The following VPS13B variants were observed in gnomAD, a reference collection of about 807,000 sequenced individuals.
VPS13B encodes intermembrane lipid transfer protein VPS13B.
In VPS13B, 285 loss-of-function variants were observed where a neutral mutation model predicts 426.4. The ratio of observed to expected loss-of-function variants is 0.67; its 90% CI spans 0.61 to 0.74. The LOEUF (loss-of-function observed/expected upper bound fraction) is 0.74. VPS13B is among the 30% of genes least tolerant of loss of function. The probability of loss-of-function intolerance (pLI) is 0.00; values close to 1 mark genes in which losing one functional copy is unlikely to be tolerated. For synonymous variants in VPS13B, 1,676 were observed against 1,676.4 expected (o/e 1.00, Z 0.01); for missense variants, 4,537 against 4,782.6 (o/e 0.95, Z 1.51).
chr8:99,208,128 G>C (rs1057125966), intron 17 of VPS13B, among the ~76,000 whole-genome samples: 1 of 152,192 alleles, frequency 6.6e-6, no homozygotes. Context: ...GCAGTAGCTG[G>C]CGTGTCACAT....
intron 2 of VPS13B, among the ~76,000 whole-genome samples, chr8:99,032,180 T>A (rs1479986302): frequency 6.6e-6 from 1 of 152,172 alleles, no homozygotes; most frequent in Admixed American, 6.5e-5. Context: ...TATGCTGACA[T>A]GTGGAGTTTC....
Position 99,853,937 on chromosome 8 carries a change from C to A in VPS13B, c.10548C>A (p.Ile3516=), listed in dbSNP as rs780558517. The change falls in exon 56 of 62, where the codon ATC becomes ATA. Residue 3516 remains isoleucine (I), a synonymous_variant. Transcript: ENST00000357162. ...LYVEDTFVYY[I]KTLFDTYLPN... is the part of the protein sequence containing the mutation. ...TGGAAGACACATTTGTATACTACAT[C>A]AAGACTTTGTTTGACACCTACCTTC... is the stretch of plus-strand genomic sequence containing the variant. 4 of 1,614,094 alleles carry A rather than the reference C, an allele frequency of 2.5e-6. No homozygotes were observed. In the East Asian group the frequency reaches 8.9e-5, roughly 36 times the overall value.
At chr8:99,813,939 G>C (rs560550867) in intron 44 of VPS13B, among the ~76,000 whole-genome samples, 2 of 152,150 alleles carry the variant, frequency 1.3e-5, no homozygotes, top group Non-Finnish European at 2.9e-5. Flanking sequence ...TTTGAGACCA[G>C]CGTGGTCAAC....
chr8:99,618,118 G>A (rs1389311058), intron 33 of VPS13B, among the ~76,000 whole-genome samples: 1 of 152,042 alleles, frequency 6.6e-6, no homozygotes, highest in Non-Finnish European at 1.5e-5. Context: ...GGAAGGGTGA[G>A]AGAAAAAGGG....
chr8:99,701,690 G>A (rs1832289014), intron 36 of VPS13B, among the ~76,000 whole-genome samples: 1 of 152,110 alleles, frequency 6.6e-6, no homozygotes, highest in South Asian at 2.1e-4. Context: ...AACATGTAGT[G>A]TCCAGCAAAT....
At chr8:99,597,263 T>C (rs1388802483) in intron 33 of VPS13B, among the ~76,000 whole-genome samples, 1 of 151,984 alleles carries the variant, frequency 6.6e-6, no homozygotes, top group African/African-American at 2.4e-5. Context: ...GGTGATCTGA[T>C]CACAGGGCCC....
intron 30 of VPS13B, among the ~76,000 whole-genome samples, chr8:99,523,243 C>T (rs1822469225): frequency 1.3e-5 from 2 of 152,222 alleles, no homozygotes; most frequent in South Asian, 4.1e-4. Context: ...ACTCCAGGCC[C>T]TGGCTCCTGG....
intron 17 of VPS13B, among the ~76,000 whole-genome samples, chr8:99,235,825 G>A (rs1365631810): frequency 6.6e-6 from 1 of 152,090 alleles, no homozygotes; most frequent in Non-Finnish European, 1.5e-5. Context: ...ACTACTTACT[G>A]TGAATTAGAG....
In VPS13B at chr8:99,198,985, C is replaced by T. The variant is rs549079658; in HGVS notation, c.2515+5928C>T. The stretch of plus-strand genomic sequence containing the variant: ...AAAGTTTTAGCATTTTATTATTTTG[C>T]GTCTGAGGACTCTCATTACATAGTA... On this transcript the variant is annotated intron_variant, in intron 17 of 61. Transcript: ENST00000357162. Among the ~76,000 whole-genome samples, 8 of 152,128 alleles carry T rather than the reference C, an allele frequency of 5.3e-5. No homozygotes were observed. The South Asian group carries it at 1.0e-3, about 20-fold the overall frequency.
rs894776637 is a variant in VPS13B, at chr8:99,849,040, G to A, written c.10061+146G>A. On this transcript the variant is annotated intron_variant, in intron 55 of 61. Transcript: ENST00000357162. ...TAATCCATAAAAAATATGGTTATTA[G>A]CACTAAATCATCCCTTCAATAGGTA... The A allele has an allele frequency of 3.8e-6, 3 of 793,220 alleles. No individual in the cohort carries two copies. The East Asian group carries it at 7.9e-5, about 21-fold the overall frequency. 49.1% of individuals were successfully genotyped at this position (793,220 alleles called of 1,614,324 possible). A position where few individuals can be genotyped will look rare whatever the true frequency, so the allele number is the denominator to read the frequency against.
At chr8:99,676,944 A>G in intron 35 of VPS13B, among the ~76,000 whole-genome samples, 1 of 152,140 alleles carries the variant, frequency 6.6e-6, no homozygotes, top group East Asian at 1.9e-4. Flanking sequence ...AGCCTGGCCA[A>G]CATGGCAAAA....
intron 19 of VPS13B, among the ~76,000 whole-genome samples, chr8:99,345,868 T>C (rs1811507671): frequency 6.6e-6 from 1 of 152,130 alleles, no homozygotes; most frequent in Admixed American, 6.5e-5. Flanking sequence ...GAGTTATTCT[T>C]CAGGTCAAGG....
chr8:99,482,655 AAC>A (rs1377470786), intron 25 of VPS13B, among the ~76,000 whole-genome samples: 6 of 152,218 alleles, frequency 3.9e-5, no homozygotes, highest in African/African-American at 1.4e-4. Context: ...TTTCAAACAC[AAC>A]ACAGTTCAAT....
intron 3 of VPS13B, among the ~76,000 whole-genome samples, chr8:99,090,116 G>C (rs1846058552): frequency 6.6e-6 from 1 of 152,004 alleles, no homozygotes; most frequent in Non-Finnish European, 1.5e-5. Flanking sequence ...CTTGAGCGGA[G>C]GGGTCCATTC....
chr8:99,312,398 T>C (rs1219424343), intron 19 of VPS13B, among the ~76,000 whole-genome samples: 1 of 152,218 alleles, frequency 6.6e-6, no homozygotes, highest in Non-Finnish European at 1.5e-5. Flanking sequence ...TGCTTGTCTG[T>C]AAAGTGTTTT....
chr8:99,532,414 T>C (rs971159490), intron 30 of VPS13B, among the ~76,000 whole-genome samples: 2 of 152,180 alleles, frequency 1.3e-5, no homozygotes, highest in Admixed American at 1.3e-4. Context: ...AAGACATCTT[T>C]TATAAGTGAG....
intron 35 of VPS13B, among the ~76,000 whole-genome samples, chr8:99,685,633 A>T (rs1241189387): frequency 6.6e-6 from 1 of 151,750 alleles, no homozygotes; most frequent in Non-Finnish European, 1.5e-5. Flanking sequence ...CTGTTAAGAG[A>T]CTCTGATGCA....
At chr8:99,819,728 T>C in intron 48 of VPS13B, 146 bp downstream of exon 48, 1 of 1,239,892 alleles carries the variant, frequency 8.1e-7, no homozygotes, top group Non-Finnish European at 1.1e-6. Flanking sequence ...ATTTTGTAGA[T>C]TTCTTTATTC....
At chr8:99,457,359 T>C (rs1818534620) in intron 23 of VPS13B, among the ~76,000 whole-genome samples, 1 of 152,166 alleles carries the variant, frequency 6.6e-6, no homozygotes, top group Non-Finnish European at 1.5e-5. Context: ...TAGACAGTTA[T>C]GTATTCATCT....
Sources: allele counts gnomAD v4.1 joint callset (sites outside exome capture counted in the v4.1 genomes callset), GRCh38; gene constraint gnomAD v4.1.1; transcripts MANE v1.5; gene names NCBI Gene and HGNC (gene_info 2026-07-23, HGNC 2026-07-21).